The following MGAT4A variants were observed in gnomAD, a reference collection of about 807,000 sequenced individuals.
MGAT4A encodes the protein alpha-1,3-mannosyl-glycoprotein 4-beta-N-acetylglucosaminyltransferase A.
A neutral mutation model predicts 74.1 loss-of-function variants in MGAT4A; 33 were observed. The observed-to-expected ratio is 0.45, with a 90% CI of 0.34 to 0.60. The LOEUF is 0.60. Among genes scored for constraint, MGAT4A ranks in the 20% least tolerant of loss-of-function variants. The pLI is 0.02. For missense variants in MGAT4A, 479 were observed against 628.3 expected (o/e 0.76, Z 2.54); for synonymous variants, 198 against 210.4 (o/e 0.94, Z 0.51).
At chr2:98,714,604 G>A (rs1037746818) in intron 2 of MGAT4A, among the ~76,000 whole-genome samples, 2 of 152,118 alleles carry the variant, frequency 1.3e-5, no homozygotes, top group East Asian at 1.9e-4. Flanking sequence ...CGGTAGGAAT[G>A]AGCACAGCAA....
In MGAT4A at chr2:98,621,360, T is replaced by C. The variant is rs1489480099; in HGVS notation, c.*4206A>G. ...TGTAGGACTGCAGTTCCCAGCTCCT[T>C]TGCTGTTAGCCAAGGCCTCTCTCAG... On this transcript the variant is annotated 3_prime_UTR_variant, in exon 16 of 16. Coordinates refer to ENST00000393487, the MANE Select transcript of MGAT4A (RefSeq NM_012214.3). 3 of 1,531,984 alleles carry C rather than the reference T, an allele frequency of 2.0e-6. No individual in the cohort carries two copies. Among genetic ancestry groups the C allele is most frequent in the Admixed American group, 2.1e-5 (1 of 48,516 alleles). The allele number at this position is 1,531,984 out of a possible 1,614,324, so 94.9% of individuals were successfully genotyped here.
At chr2:98,677,800 AATTTTTTT>A (rs1482825017) in intron 3 of MGAT4A, among the ~76,000 whole-genome samples, 1 of 120,576 alleles carries the variant, frequency 8.3e-6, no homozygotes, top group Non-Finnish European at 1.9e-5. Flanking sequence ...GCAGGTAATA[AATTTTTTT>A]TTTTTTTTTT....
chr2:98,650,808 G>T lies in MGAT4A; in HGVS notation c.774+4637C>A, dbSNP rs181591955. Among the ~76,000 whole-genome samples, 225 of 152,200 alleles carry T rather than the reference G, an allele frequency of 1.5e-3. 1 individual carries two copies. The highest frequency in any genetic ancestry group is 5.3e-3 in the African/African-American group (219 of 41,520). ...TCTACTAAAAATACAAAAATTAGCT[G>T]GGTGTGGTGGTGGGCACCTGTAACC... On this transcript the variant is annotated intron_variant, in intron 8 of 15. Coordinates refer to ENST00000393487, the MANE Select transcript of MGAT4A (RefSeq NM_012214.3).
chr2:98,649,487 G>A (rs544172671), intron 8 of MGAT4A, among the ~76,000 whole-genome samples: 1 of 152,266 alleles, frequency 6.6e-6, no homozygotes, highest in African/African-American at 2.4e-5. Context: ...TTTTTCGAGT[G>A]CAGCCAGAGG....
chr2:98,622,381 C>A lies in MGAT4A; in HGVS notation c.*3185G>T, dbSNP rs548584436. The A allele has an allele frequency of 1.5e-5, 15 of 985,204 alleles. No individual in the cohort carries two copies. In the African/African-American group the frequency reaches 2.4e-4, roughly 16 times the overall value. The allele number at this position is 985,204 out of a possible 1,614,324, so 61.0% of individuals were successfully genotyped here. A position where few individuals can be genotyped will look rare whatever the true frequency, so the allele number is the denominator to read the frequency against. The stretch of plus-strand genomic sequence containing the variant: ...TCACTAGTGTGTGTGATGGCAGAAC[C>A]GGGTAAAAAAATGTTTTTATTTAAA... On this transcript the variant is annotated 3_prime_UTR_variant, in exon 16 of 16. Coordinates refer to ENST00000393487, the MANE Select transcript of MGAT4A (RefSeq NM_012214.3).
chr2:98,644,187 C>G, intron 9 of MGAT4A, 134 bp from the exon 10 acceptor site: 1 of 924,092 alleles, frequency 1.1e-6, no homozygotes, highest in South Asian at 2.7e-5. Context: ...ACAATTTCCC[C>G]ACTTGTATTA....
At chr2:98,709,604 C>T (rs1019705792) in intron 2 of MGAT4A, among the ~76,000 whole-genome samples, 1 of 152,232 alleles carries the variant, frequency 6.6e-6, no homozygotes, top group Non-Finnish European at 1.5e-5. Context: ...TAGCCAACCA[C>T]TGGACATCCA....
chr2:98,698,813 T>C (rs186429335), intron 2 of MGAT4A, among the ~76,000 whole-genome samples: 67 of 152,322 alleles, frequency 4.4e-4, no homozygotes, highest in African/African-American at 1.6e-3. Context: ...AAAAATTCCA[T>C]GCATCCTTCA....
chr2:98,624,320 T>C lies in MGAT4A; in HGVS notation c.*1246A>G, dbSNP rs1701111181. On this transcript the variant is annotated 3_prime_UTR_variant, in exon 16 of 16. Coordinates refer to ENST00000393487, the MANE Select transcript of MGAT4A (RefSeq NM_012214.3). The stretch of plus-strand genomic sequence containing the variant: ...AGCCACAGCGCCTGGTGATAATTCA[T>C]CATTTTTTAAAAGTACTTTTATAAA... The C allele has an allele frequency of 2.1e-6, 2 of 974,388 alleles. No individual in the cohort carries two copies. The highest frequency in any genetic ancestry group is 4.7e-5 in the South Asian group (1 of 21,060). The allele number at this position is 974,388 out of a possible 1,614,324, so 60.4% of individuals were successfully genotyped here.
intron 10 of MGAT4A, among the ~76,000 whole-genome samples, chr2:98,643,621 C>T (rs552480786): frequency 6.6e-6 from 1 of 152,192 alleles, no homozygotes; most frequent in South Asian, 2.1e-4. Flanking sequence ...AAATGGTATC[C>T]CATGCCAAGA....
At chr2:98,726,164 C>T (rs1559178286) in intron 2 of MGAT4A, 75 bp downstream of exon 2, 1 of 1,074,306 alleles carries the variant, frequency 9.3e-7, no homozygotes, top group South Asian at 1.5e-5. Context: ...GGTATTTGAC[C>T]TAAGCATTTA....
chr2:98,719,072 G>A (rs1702629885), intron 2 of MGAT4A, among the ~76,000 whole-genome samples: 1 of 152,210 alleles, frequency 6.6e-6, no homozygotes, highest in African/African-American at 2.4e-5. Flanking sequence ...TGTGGTGAGA[G>A]AATGGGGAGA....
At chr2:98,724,903 T>G (rs1702737792) in intron 2 of MGAT4A, among the ~76,000 whole-genome samples, 1 of 152,198 alleles carries the variant, frequency 6.6e-6, no homozygotes, top group Non-Finnish European at 1.5e-5. Flanking sequence ...ATAGTTTGAT[T>G]AACTATTCAA....
chr2:98,720,549 A>G (rs1702653801), intron 2 of MGAT4A, among the ~76,000 whole-genome samples: 1 of 152,184 alleles, frequency 6.6e-6, no homozygotes, highest in African/African-American at 2.4e-5. Context: ...GGCAGATTCT[A>G]GGACCTCTCA....
chr2:98,677,577 T>A (rs969116353), intron 3 of MGAT4A, among the ~76,000 whole-genome samples: 3 of 152,048 alleles, frequency 2.0e-5, no homozygotes, highest in Non-Finnish European at 4.4e-5. Context: ...TTCAGCCTCC[T>A]AAGTAGCTGG....
intron 4 of MGAT4A, among the ~76,000 whole-genome samples, chr2:98,670,329 T>C (rs1036381084): frequency 6.6e-6 from 1 of 152,174 alleles, no homozygotes; most frequent in African/African-American, 2.4e-5. Context: ...CAAGCAGTAA[T>C]TGTGCATATG....
At chr2:98,631,857 C>T (rs900369120) in intron 14 of MGAT4A, among the ~76,000 whole-genome samples, 4 of 151,998 alleles carry the variant, frequency 2.6e-5, no homozygotes, top group Admixed American at 1.3e-4. Context: ...CGGTGGGTCA[C>T]GCCTGTAATC....
intron 2 of MGAT4A, among the ~76,000 whole-genome samples, chr2:98,711,319 G>A (rs989789478): frequency 1.2e-4 from 18 of 149,192 alleles, no homozygotes; most frequent in Non-Finnish European, 2.2e-4. Flanking sequence ...AAATTACATC[G>A]GGGGAAGCAA....
chr2:98,645,334 A>G, intron 9 of MGAT4A, 94 bp downstream of exon 9: 1 of 926,688 alleles, frequency 1.1e-6, no homozygotes, highest in Non-Finnish European at 1.6e-6. Flanking sequence ...TCCATAGGAA[A>G]AAAAGACATC....
Sources: gnomAD v4.1 joint callset for allele counts (sites outside exome capture counted in the v4.1 genomes callset) on GRCh38, gnomAD v4.1.1 for gene constraint, MANE v1.5 for transcripts, NCBI Gene and HGNC (gene_info 2026-07-23, HGNC 2026-07-21) for gene names.